The following PALLD variants were observed in gnomAD, a reference collection of about 807,000 sequenced individuals.
PALLD encodes palladin, cytoskeletal associated protein, also known as palladin.
PALLD carries 61 observed loss-of-function variants against 123.5 expected under a neutral mutation model. The ratio of observed to expected loss-of-function variants is 0.49; its 90% CI spans 0.40 to 0.61. The LOEUF is 0.61. PALLD is among the 20% of genes least tolerant of loss of function. The pLI is 0.00. For synonymous variants in PALLD, 465 were observed against 496.4 expected (o/e 0.94, Z 0.84); for missense variants, 1,273 against 1,377.0 (o/e 0.92, Z 1.20).
At chr4:168,877,781 G>C in intron 10 of PALLD, 1 of 1,204,088 alleles carries the variant, frequency 8.3e-7, no homozygotes, top group South Asian at 3.5e-5. Flanking sequence ...GGAGGCCGGC[G>C]CTCGGCAGCC....
chr4:168,733,946 AG>A (rs1315229845), intron 10 of PALLD, among the ~76,000 whole-genome samples: 1 of 152,202 alleles, frequency 6.6e-6, no homozygotes, highest in Non-Finnish European at 1.5e-5. Flanking sequence ...CATGTTAGCC[AG>A]GATGGTCTCG....
intron 2 of PALLD, among the ~76,000 whole-genome samples, chr4:168,555,481 C>T (rs1989711): frequency 3.3e-5 from 5 of 152,156 alleles, no homozygotes; most frequent in African/African-American, 1.2e-4. Context: ...TCTGTGGACC[C>T]GCTTTGCTGA....
intron 10 of PALLD, among the ~76,000 whole-genome samples, chr4:168,871,365 C>G (rs1421400666): frequency 6.6e-6 from 1 of 152,062 alleles, no homozygotes; most frequent in Admixed American, 6.5e-5. Context: ...TTCAAAATCT[C>G]AGAGAAATTT....
chr4:168,667,397 G>A (rs753098136), intron 2 of PALLD, among the ~76,000 whole-genome samples: 7 of 152,208 alleles, frequency 4.6e-5, no homozygotes, highest in Middle Eastern at 6.8e-3. Flanking sequence ...TTTTAGGGCA[G>A]CTTTGGGCTT....
intron 10 of PALLD, among the ~76,000 whole-genome samples, chr4:168,886,465 G>C (rs994279948): frequency 6.6e-6 from 1 of 152,054 alleles, no homozygotes; most frequent in East Asian, 1.9e-4. Context: ...AACATAGGGA[G>C]AACCTGTCCC....
At chr4:168,695,520 GA>G (rs1783054870) in intron 8 of PALLD, among the ~76,000 whole-genome samples, 1 of 152,168 alleles carries the variant, frequency 6.6e-6, no homozygotes, top group South Asian at 2.1e-4. Flanking sequence ...AACTAGTTCA[GA>G]ATTTCAACAT....
At chr4:168,673,976 G>A (rs186827613) in intron 3 of PALLD, among the ~76,000 whole-genome samples, 9 of 152,102 alleles carry the variant, frequency 5.9e-5, no homozygotes, top group Non-Finnish European at 1.0e-4. Flanking sequence ...GTGTAATGCC[G>A]CGATCTCGGC....
At chr4:168,622,570 C>T (rs944337610) in intron 2 of PALLD, among the ~76,000 whole-genome samples, 1 of 152,146 alleles carries the variant, frequency 6.6e-6, no homozygotes, top group African/African-American at 2.4e-5. Context: ...CGTATGTTTT[C>T]TTTAACATGA....
chr4:168,844,448 A>G lies in PALLD; in HGVS notation c.1965-46474A>G, dbSNP rs370584835. The G allele has an allele frequency of 6.6e-6, 1 of 152,258 alleles. No individual in the cohort carries two copies. 9.4% of individuals were successfully genotyped at this position (152,258 alleles called of 1,614,324 possible). On this transcript the variant is annotated intron_variant, in intron 10 of 21. Transcript: ENST00000505667. The surrounding 1 kb of genome is among the most constrained non-coding windows in gnomAD (Gnocchi z 4.5). ...ACAGAAGAGAGAAGTGGGGAACCCC[A>G]CAAGCCTTGAGAATTTCAAGAATTT...
At chr4:168,917,800 T>TTA (rs1760510560) in intron 17 of PALLD, among the ~76,000 whole-genome samples, 1 of 152,120 alleles carries the variant, frequency 6.6e-6, no homozygotes, top group Non-Finnish European at 1.5e-5. Flanking sequence ...TGTATATATT[T>TTA]TATATATATA....
At chr4:168,695,056 G>A (rs1783011101) in intron 8 of PALLD, among the ~76,000 whole-genome samples, 1 of 152,144 alleles carries the variant, frequency 6.6e-6, no homozygotes, top group Non-Finnish European at 1.5e-5. Context: ...CTAATAGCGT[G>A]CAAAATTAAA....
intron 10 of PALLD, among the ~76,000 whole-genome samples, chr4:168,843,407 C>A (rs1185610043): frequency 6.6e-6 from 1 of 152,096 alleles, no homozygotes; most frequent in Non-Finnish European, 1.5e-5. Context: ...TTATGTTTGA[C>A]ATTTAATGAT....
chr4:168,571,638 G>A (rs1768995931), intron 2 of PALLD, among the ~76,000 whole-genome samples: 1 of 152,110 alleles, frequency 6.6e-6, no homozygotes, highest in Non-Finnish European at 1.5e-5. Context: ...TCAGTTCTCT[G>A]TATTCTCCTT....
At chr4:168,905,751 A>G (rs1181096169) in intron 15 of PALLD, among the ~76,000 whole-genome samples, 1 of 147,672 alleles carries the variant, frequency 6.8e-6, no homozygotes, top group African/African-American at 2.5e-5. Flanking sequence ...TTCATATTTG[A>G]TATATATGAA....
intron 2 of PALLD, among the ~76,000 whole-genome samples, chr4:168,577,773 G>A (rs1278080243): frequency 2.0e-5 from 3 of 148,102 alleles, no homozygotes; most frequent in African/African-American, 8.0e-5. Flanking sequence ...TTACGCAAAA[G>A]AGGCCACCAG....
intron 16 of PALLD, 67 bp from the exon 17 acceptor site, chr4:168,915,828 A>T: frequency 1.6e-6 from 2 of 1,239,176 alleles, no homozygotes; most frequent in Non-Finnish European, 2.4e-6. Context: ...AAGAAAACAG[A>T]TGACTAAAAG....
At chr4:168,706,351 CTAAG>C (rs890994839) in intron 8 of PALLD, among the ~76,000 whole-genome samples, 2 of 152,076 alleles carry the variant, frequency 1.3e-5, no homozygotes, top group Non-Finnish European at 2.9e-5. Context: ...AAAGAATAAA[CTAAG>C]TTTTTCACAC....
intron 8 of PALLD, among the ~76,000 whole-genome samples, chr4:168,708,041 G>A (rs1784385962): frequency 6.6e-6 from 1 of 152,198 alleles, no homozygotes; most frequent in African/African-American, 2.4e-5. Context: ...AGGGTTTGGA[G>A]TCTGGACCCC....
Position 168,890,968 on chromosome 4 carries a change from G to A in PALLD, c.2011G>A (p.Glu671Lys). 6.2e-7 allele frequency: 1 copy of A among 1,614,034 alleles called. No individual in the cohort carries two copies. Among genetic ancestry groups the A allele is most frequent in the South Asian group, 1.1e-5 (1 of 91,076 alleles). Residue 671 changes from glutamate to lysine, a missense_variant, in exon 11 of 22, where the codon GAG (glutamate) becomes AAG (lysine). Glu to Lys is a moderately conservative substitution (Grantham distance 56, BLOSUM62 1). Transcript: ENST00000505667. The stretch of plus-strand genomic sequence containing the variant: ...TAGAACTGCTAGAATAGCCTCCGAT[G>A]AGGAAATTCAAGGCACAAAGGATGC... ...ASRTARIASD[E>K]EIQGTKDAVI...
Sources: gnomAD v4.1 joint callset for allele counts (sites outside exome capture counted in the v4.1 genomes callset) on GRCh38, gnomAD v4.1.1 for gene constraint, Gnocchi (gnomAD v3.1) non-coding constraint, MANE v1.5 for transcripts, NCBI Gene and HGNC (gene_info 2026-07-23, HGNC 2026-07-21) for gene names.